The following KHDRBS1 variants were observed in gnomAD, a reference collection of about 807,000 sequenced individuals.
The protein encoded by KHDRBS1 is KH domain-containing, RNA-binding, signal transduction-associated protein 1.
In KHDRBS1, 7 loss-of-function variants were observed where a neutral mutation model predicts 48.4. The observed-to-expected ratio is 0.14, with a 90% CI of 0.08 to 0.27. The LOEUF (loss-of-function observed/expected upper bound fraction) is 0.27, where lower values mean the gene tolerates loss of function less well. KHDRBS1 is among the 10% of genes least tolerant of loss of function. The pLI, the probability that KHDRBS1 is intolerant of heterozygous loss-of-function variation, is 1.00. For synonymous variants in KHDRBS1, 241 were observed against 235.8 expected, an observed-to-expected ratio of 1.02 and a Z score of -0.20; for missense variants, 458 against 601.2, an observed-to-expected ratio of 0.76 and a Z score of 2.49.
chr1:32,047,836 A>G (rs1177377122), downstream of KHDRBS1, among the ~76,000 whole-genome samples: 1 of 152,176 alleles, frequency 6.6e-6, no homozygotes, highest in East Asian at 1.9e-4. Flanking sequence ...CAAATCTTAT[A>G]TCTGCTAATA....
At chr1:32,049,647 GTTT>G (rs1639394375) in intron 10 of KHDRBS1, among the ~76,000 whole-genome samples, 1 of 150,766 alleles carries the variant, frequency 6.6e-6, no homozygotes, top group South Asian at 2.1e-4. Flanking sequence ...CGGTGACTCT[GTTT>G]ATTTTTTTAT....
At chr1:32,050,258 C>T (rs897373186) in intron 10 of KHDRBS1, among the ~76,000 whole-genome samples, 1 of 152,028 alleles carries the variant, frequency 6.6e-6, no homozygotes, top group African/African-American at 2.4e-5. Context: ...TTTTTATTAG[C>T]GAGTTGTAAG....
intron 1 of KHDRBS1, among the ~76,000 whole-genome samples, chr1:32,025,539 G>T (rs888659335): frequency 1.3e-5 from 2 of 150,868 alleles, no homozygotes; most frequent in African/African-American, 4.9e-5. Flanking sequence ...GACCTCAGGT[G>T]ATCCACCCGC....
intron 7 of KHDRBS1, among the ~76,000 whole-genome samples, chr1:32,039,260 A>C (rs1473975398): frequency 6.6e-6 from 1 of 152,192 alleles, no homozygotes; most frequent in Non-Finnish European, 1.5e-5. Context: ...GCTATATTAA[A>C]AGGGTCAATT....
chr1:32,014,326 A>G lies in KHDRBS1; in HGVS notation c.331A>G (p.Lys111Glu), dbSNP rs1638691004. 1 of 1,551,554 alleles carries G rather than the reference A, an allele frequency of 6.4e-7. No homozygotes were observed. Among genetic ancestry groups the G allele is most frequent in the Non-Finnish European group, 8.7e-7 (1 of 1,147,068 alleles). Reference protein sequence around the residue: ...NKYLPELMAEKDSLDPSFTHA... With the variant: ...NKYLPELMAEEDSLDPSFTHA... ...GTACCTGCCCGAACTCATGGCCGAGAAGGACTCGCTCGACCCGTCCTTCAC... is the reference window on the plus strand; with the variant it reads ...GTACCTGCCCGAACTCATGGCCGAGGAGGACTCGCTCGACCCGTCCTTCAC... The change falls in exon 1 of 9, where the codon AAG becomes GAG. Residue 111 changes from lysine to glutamate, a missense_variant. By Grantham distance (56) the Lys-to-Glu change is moderately conservative. Coordinates refer to ENST00000327300, the MANE Select transcript of KHDRBS1 (RefSeq NM_006559.3).
chr1:32,047,099 T>C (rs940349447), downstream of KHDRBS1, among the ~76,000 whole-genome samples: 5 of 152,358 alleles, frequency 3.3e-5, no homozygotes, highest in Admixed American at 2.0e-4. Flanking sequence ...GTTCTGGACA[T>C]GTAGCTTCGC....
intron 8 of KHDRBS1, among the ~76,000 whole-genome samples, chr1:32,041,903 ACAGTGCTGT>A (rs537172324): frequency 4.0e-4 from 61 of 152,278 alleles, no homozygotes; most frequent in Middle Eastern, 3.4e-3. Context: ...ATTATCTTAA[ACAGTGCTGT>A]CAGTGCAACA....
At position 32,013,909 on chromosome 1, in the gene KHDRBS1, C is replaced by CA. The variant is rs1638676637; in HGVS notation, c.-87_-86insA. ...CGGGTCGGCTTCGGTCGCTACCGCT[C>CA]CCGCTCTGCCACCCCCGCCAACCGC... On this transcript the variant is annotated 5_prime_UTR_variant, in exon 1 of 9. Coordinates refer to ENST00000327300, the MANE Select transcript of KHDRBS1 (RefSeq NM_006559.3). 1 of 1,259,688 alleles carries CA rather than the reference C, an allele frequency of 7.9e-7. No individual in the cohort carries two copies. The highest frequency in any genetic ancestry group is 4.1e-5 in the Admixed American group (1 of 24,222). The allele number at this position is 1,259,688 out of a possible 1,614,324, so 78.0% of individuals were successfully genotyped here. A position where few individuals can be genotyped will look rare whatever the true frequency, so the allele number is the denominator to read the frequency against.
intron 10 of KHDRBS1, among the ~76,000 whole-genome samples, chr1:32,054,677 CAT>C (rs1381991887): frequency 7.2e-5 from 11 of 152,190 alleles, no homozygotes; most frequent in Non-Finnish European, 1.3e-4. Context: ...CTGAGAGTAT[CAT>C]ATACAGCAAG....
At chr1:32,047,283 G>A (rs930075694), downstream of KHDRBS1, among the ~76,000 whole-genome samples, 2 of 151,956 alleles carry the variant, frequency 1.3e-5, no homozygotes, top group African/African-American at 2.4e-5. Context: ...CTCAGCCTCC[G>A]GAGTAGCTGG....
chr1:32,031,945 A>C (rs554910804), intron 3 of KHDRBS1, among the ~76,000 whole-genome samples: 1 of 152,336 alleles, frequency 6.6e-6, no homozygotes, highest in South Asian at 2.1e-4. Flanking sequence ...GGGGAACTGA[A>C]TATACTAAAA....
rs570849013 is a variant in KHDRBS1 at position 32,055,787 on chromosome 1, G to C, written n.1302-4376G>C. ...CCTGATTGCTGCTCTCGGCTCCTAA[G>C]GAGGCTGCATTCAAGCAGGAGACTC... On this transcript the variant is annotated intron_variant and non_coding_transcript_variant, in intron 10 of 10. Transcript: ENST00000484270. Among the ~76,000 whole-genome samples, 8 of 152,184 alleles carry C rather than the reference G, an allele frequency of 5.3e-5. No homozygotes were observed. The East Asian group carries it at 1.6e-3, about 30-fold the overall frequency.
chr1:32,028,566 G>A (rs538601542), intron 1 of KHDRBS1, among the ~76,000 whole-genome samples: 21 of 144,082 alleles, frequency 1.5e-4, no homozygotes, highest in African/African-American at 4.2e-4. Context: ...GCAGTGGCGC[G>A]ATCTCGGCTC....
chr1:32,035,498 G>C (rs16834842), intron 4 of KHDRBS1, among the ~76,000 whole-genome samples: 1 of 152,226 alleles, frequency 6.6e-6, no homozygotes, highest in African/African-American at 2.4e-5. Flanking sequence ...AGATTTGCCA[G>C]TGGCATTTGA....
intron 3 of KHDRBS1, among the ~76,000 whole-genome samples, chr1:32,031,970 G>A (rs1639089145): frequency 6.6e-6 from 1 of 152,154 alleles, no homozygotes. Context: ...GTCTAAAGCA[G>A]ACAAAAGACG....
chr1:32,022,549 T>C (rs1263233704), intron 1 of KHDRBS1, among the ~76,000 whole-genome samples: 4 of 152,110 alleles, frequency 2.6e-5, no homozygotes, highest in Non-Finnish European at 5.9e-5. Context: ...TCGCTCTGGA[T>C]ACTTAGAAAA....
chr1:32,023,731 C>G (rs1251292687), intron 1 of KHDRBS1, among the ~76,000 whole-genome samples: 1 of 152,092 alleles, frequency 6.6e-6, no homozygotes, highest in African/African-American at 2.4e-5. Flanking sequence ...AAAGCAAGGA[C>G]AAGGAGAGAC....
In KHDRBS1 at chr1:32,033,347, A is replaced by G; in HGVS notation, c.771+13A>G. ...ATTTCTAGTACCGGTAAGGAAATCC[A>G]TATCCTGTGTCTTCTGAGCAAAAGA... On this transcript the variant is annotated intron_variant, in intron 4 of 8. Transcript: ENST00000327300. 2 of 1,613,440 alleles carry G rather than the reference A, an allele frequency of 1.2e-6. No individual in the cohort carries two copies. Among genetic ancestry groups the G allele is most frequent in the South Asian group, 1.1e-5 (1 of 91,076 alleles).
At chr1:32,022,274 A>G (rs1352175506) in intron 1 of KHDRBS1, among the ~76,000 whole-genome samples, 1 of 152,144 alleles carries the variant, frequency 6.6e-6, no homozygotes, top group Non-Finnish European at 1.5e-5. Context: ...CTGGGATTAC[A>G]GGTGTGAGCC....
Sources: gnomAD v4.1 joint callset for allele counts (sites outside exome capture counted in the v4.1 genomes callset) on GRCh38, gnomAD v4.1.1 for gene constraint, MANE v1.5 for transcripts, NCBI Gene and HGNC (gene_info 2026-07-23, HGNC 2026-07-21) for gene names.